Variants in MPZL2 observed in about 807,000 individuals in gnomAD.
MPZL2 encodes the protein myelin protein zero like 2.
Under a neutral mutation model 24.5 loss-of-function variants are expected in MPZL2, and 32 were observed. That is an observed-to-expected ratio of 1.31 (90% CI 0.99 to 1.76). MPZL2 has a LOEUF of 1.76. Ranked by LOEUF, MPZL2 falls within the 40% of genes most tolerant of loss-of-function variation. The pLI, the probability that MPZL2 is intolerant of heterozygous loss-of-function variation, is 0.00. For synonymous variants in MPZL2, 92 were observed against 97.9 expected, an observed-to-expected ratio of 0.94 and a Z score of 0.36; for missense variants, 304 against 274.9, an observed-to-expected ratio of 1.11 and a Z score of -0.75.
chr11:118,262,208 C>T (rs1161590971), intron 3 of MPZL2, among the ~76,000 whole-genome samples: 1 of 152,178 alleles, frequency 6.6e-6, no homozygotes, highest in African/African-American at 2.4e-5. Flanking sequence ...AACGGATTCT[C>T]TGAGTTCCTT....
rs200147114 is a variant in MPZL2 at position 118,264,142 on chromosome 11, C to T, written c.12G>A (p.Lys4=). 31 of 1,614,118 alleles carry T rather than the reference C, an allele frequency of 1.9e-5. No individual in the cohort carries two copies. In the East Asian group the frequency reaches 5.8e-4, roughly 30 times the overall value. ...GAAGAAGCACCGCACGAGTAGAGCT[C>T]TTGCCATACATGAGGGAAACCCAGC... MYG[K]SSTRAVLLLL... is the part of the protein sequence containing the mutation. The change falls in exon 1 of 6, where the codon AAG becomes AAA. Residue 4 remains lysine (K), a synonymous_variant. Coordinates refer to ENST00000278937, the MANE Select transcript of MPZL2 (RefSeq NM_005797.4).
At chr11:118,263,971 TAA>T in intron 1 of MPZL2, 123 bp downstream of exon 1, 1 of 1,031,496 alleles carries the variant, frequency 9.7e-7, no homozygotes, top group Non-Finnish European at 1.5e-6. Flanking sequence ...AAACCCAAAG[TAA>T]AACAAACTGT....
intron 3 of MPZL2, among the ~76,000 whole-genome samples, chr11:118,262,127 A>T (rs571700411): frequency 6.0e-4 from 92 of 152,296 alleles, no homozygotes; most frequent in Non-Finnish European, 9.6e-4. Flanking sequence ...GAGTGAGTGA[A>T]CAGACCTGTT....
At chr11:118,263,199 A>G in intron 1 of MPZL2, 102 bp from the exon 2 acceptor site, 1 of 1,227,826 alleles carries the variant, frequency 8.1e-7, no homozygotes, top group Non-Finnish European at 1.1e-6. Flanking sequence ...GACTTAAAGT[A>G]AAGTGAAACT....
chr11:118,261,979 G>A (rs564703040), intron 3 of MPZL2, among the ~76,000 whole-genome samples: 3 of 152,340 alleles, frequency 2.0e-5, no homozygotes, highest in Admixed American at 2.0e-4. Flanking sequence ...CATTTGGGAA[G>A]TACTCAGTAA....
intron 4 of MPZL2, chr11:118,259,215 G>T (rs1949682136): frequency 6.6e-6 from 1 of 152,120 alleles, no homozygotes; most frequent in South Asian, 2.1e-4. Context: ...GCTTGTAAAT[G>T]AATGTTTATA....
At position 118,257,259 on chromosome 11, in the gene MPZL2, GT is replaced by G. The variant is rs1168220121; in HGVS notation, c.638del (p.Asp213AlafsTer12). Reference sequence around the variant, plus strand: ...TTACCATCTAAAATTGTTAGTCTGTGTCTTCTAAATAAACAGAGACCTTTTT... The same window carrying G: ...TTACCATCTAAAATTGTTAGTCTGTGCTTCTAAATAAACAGAGACCTTTTT... ...QEKKVSVYLE[D>X]TD On this transcript the variant is annotated frameshift_variant, in exon 5 of 6. Transcript: ENST00000278937. LOFTEE classifies it high-confidence loss of function. 6.2e-7 allele frequency: 1 copy of G among 1,610,666 alleles called. No homozygotes were observed. Among genetic ancestry groups the G allele is most frequent in the East Asian group, 2.2e-5 (1 of 44,762 alleles).
intron 3 of MPZL2, 77 bp downstream of exon 3, chr11:118,262,361 A>G (rs1591505597): frequency 6.9e-7 from 1 of 1,449,556 alleles, no homozygotes; most frequent in East Asian, 2.3e-5. Flanking sequence ...CCTCTCTCTC[A>G]GCCTTAACAA....
chr11:118,258,675 G>A (rs989532316), intron 4 of MPZL2, among the ~76,000 whole-genome samples: 1 of 152,114 alleles, frequency 6.6e-6, no homozygotes, highest in African/African-American at 2.4e-5. Context: ...GGTGGGGCCT[G>A]GTGGAGGGTG....
In MPZL2 at chr11:118,262,555, A is replaced by C. The variant is rs370310868; in HGVS notation, c.319T>G (p.Ser107Ala). Reference protein sequence around the residue: ...WDGNPERYDASILLWKLQFDD... With the variant: ...WDGNPERYDAAILLWKLQFDD... ...AACTGCAGTTTCCAGAGAAGGATGG[A>C]GGCATCGTACCGCTCAGGATTCCCA... The change falls in exon 3 of 6, where the codon TCC becomes GCC. Residue 107 changes from serine (S) to alanine (A), a missense_variant. Ser to Ala is a moderately conservative substitution (Grantham distance 99, BLOSUM62 1). Coordinates refer to ENST00000278937, the MANE Select transcript of MPZL2 (RefSeq NM_005797.4). The C allele has an allele frequency of 1.2e-4, 187 of 1,614,066 alleles. No homozygotes were observed. Among genetic ancestry groups the C allele is most frequent in the Non-Finnish European group, 1.6e-4 (183 of 1,180,028 alleles).
rs760062644 is a variant in MPZL2, at chr11:118,262,490, T to C, written c.384A>G (p.Pro128=). The stretch of plus-strand genomic sequence containing the variant: ...CCCCTATCACCCCATCAACATCAGG[T>C]GGGTTCTTCACCTGGCAGGTGTATG... ...NGTYTCQVKN[P]PDVDGVIGEI... is the part of the protein sequence containing the mutation. Residue 128 remains proline (P), a synonymous_variant, in exon 3 of 6, where the codon CCA becomes CCG. Transcript: ENST00000278937. 2.5e-6 allele frequency: 4 copies of C among 1,614,136 alleles called. No homozygotes were observed. Among genetic ancestry groups the C allele is most frequent in the Non-Finnish European group, 3.4e-6 (4 of 1,180,018 alleles).
rs1218324585 is a variant in MPZL2, at chr11:118,262,679, T to C, written c.226-31A>G. 2.5e-6 allele frequency: 4 copies of C among 1,602,226 alleles called. 1 individual carries two copies. In the Admixed American group the frequency reaches 6.7e-5, roughly 27 times the overall value. ...GAGGGGAAATGGCAAAAGGTCTTCT[T>C]ACTCAGCACCCAGGCAAGGAGGCCA... On this transcript the variant is annotated intron_variant, in intron 2 of 5. Transcript: ENST00000278937.
At chr11:118,262,316 C>G (rs1857607146) in intron 3 of MPZL2, 122 bp downstream of exon 3, 2 of 1,031,600 alleles carry the variant, frequency 1.9e-6, no homozygotes, top group East Asian at 2.5e-5. Context: ...TTCTGAAGGG[C>G]TAGTCCCTCT....
At chr11:118,263,138 G>A (rs769343104) in intron 1 of MPZL2, 41 bp from the exon 2 acceptor site, 1 of 1,582,554 alleles carries the variant, frequency 6.3e-7, no homozygotes, top group Non-Finnish European at 8.6e-7. Flanking sequence ...AACAGGGGAT[G>A]TAGTATTGTG....
chr11:118,254,589 G>A lies in MPZL2; in HGVS notation c.*657C>T, dbSNP rs1434360435. 6.6e-6 allele frequency: 1 copy of A among 152,142 alleles called. No homozygotes were observed. The highest frequency in any genetic ancestry group is 1.5e-5 in the Non-Finnish European group (1 of 68,014). The allele number at this position is 152,142 out of a possible 1,614,324, so 9.4% of individuals were successfully genotyped here. On this transcript the variant is annotated 3_prime_UTR_variant, in exon 6 of 6. Transcript: ENST00000278937. ...TTTCATATCTATGTAACCTTTTGTA[G>A]TTACTGTGTGATTTAGCGTTGTGCT...
In MPZL2 at chr11:118,262,516, T is replaced by G. The variant is rs1949707018; in HGVS notation, c.358A>C (p.Thr120Pro). 6.2e-7 allele frequency: 1 copy of G among 1,614,168 alleles called. No individual in the cohort carries two copies. Residue 120 changes from threonine to proline, a missense_variant, in exon 3 of 6, where the codon ACA (threonine) becomes CCA (proline). Coordinates refer to ENST00000278937, the MANE Select transcript of MPZL2 (RefSeq NM_005797.4). ...GGGTTCTTCACCTGGCAGGTGTATG[T>G]CCCATTGTCGTCGAACTGCAGTTTC... ...LWKLQFDDNG[T>P]YTCQVKNPPD...
rs149086435 is a variant in MPZL2 at position 118,263,713 on chromosome 11, G to A, written c.58+383C>T. ...TTGGGGCACTTTCAAAATCACAGTA[G>A]GTCTCTCTCTAACAATCTCCACTTT... On this transcript the variant is annotated intron_variant, in intron 1 of 5. Coordinates refer to ENST00000278937, the MANE Select transcript of MPZL2 (RefSeq NM_005797.4). 2.5e-3 allele frequency among the ~76,000 whole-genome samples: 375 copies of A among 152,192 alleles called. 5 individuals are homozygous for A. The highest frequency in any genetic ancestry group is 8.7e-3 in the African/African-American group (362 of 41,508).
chr11:118,257,862 TAGC>T (rs10577758), intron 4 of MPZL2, among the ~76,000 whole-genome samples: 85,914 of 151,408 alleles, frequency 0.57, 24,806 homozygotes, highest in South Asian at 0.74. Context: ...AATACAAAAT[TAGC>T]TGGGCATGGT....
Position 118,257,324 on chromosome 11 carries a change from C to G in MPZL2, c.585-11G>C. 1 of 1,608,856 alleles carries G rather than the reference C, an allele frequency of 6.2e-7. No homozygotes were observed. Among genetic ancestry groups the G allele is most frequent in the Non-Finnish European group, 8.5e-7 (1 of 1,176,936 alleles). On this transcript the variant is annotated splice_polypyrimidine_tract_variant and intron_variant, in intron 4 of 5. Coordinates refer to ENST00000278937, the MANE Select transcript of MPZL2 (RefSeq NM_005797.4). ...CTTTCCTCTTCTTTTCTGTAACAAGCAGAAACCAAATGTCAGGTGAACAAG... is the reference window on the plus strand; with the variant it reads ...CTTTCCTCTTCTTTTCTGTAACAAGGAGAAACCAAATGTCAGGTGAACAAG...
Sources: allele counts gnomAD v4.1 joint callset (sites outside exome capture counted in the v4.1 genomes callset), GRCh38; gene constraint gnomAD v4.1.1; transcripts MANE v1.5; gene names NCBI Gene and HGNC (gene_info 2026-07-23, HGNC 2026-07-21).